Variants in SND1 observed in about 807,000 individuals in gnomAD.
The protein encoded by SND1 is staphylococcal nuclease domain-containing protein 1.
A neutral mutation model predicts 121.7 loss-of-function variants in SND1; 38 were observed. The observed-to-expected ratio is 0.31, with a 90% CI of 0.24 to 0.41. SND1 has a LOEUF of 0.41. Ranked by LOEUF, SND1 falls within the 10% of genes least tolerant of loss-of-function variation. SND1 has a pLI of 1.00. For missense variants in SND1, 868 were observed against 1,184.6 expected (o/e 0.73, Z 3.92); for synonymous variants, 401 against 447.4 (o/e 0.90, Z 1.31).
At chr7:127,950,288 C>T (rs926813320) in intron 15 of SND1, among the ~76,000 whole-genome samples, 1 of 152,060 alleles carries the variant, frequency 6.6e-6, no homozygotes. Flanking sequence ...GCTAAGAGAA[C>T]AGGTTCTGGA....
intron 9 of SND1, among the ~76,000 whole-genome samples, chr7:127,719,817 A>G (rs1432012974): frequency 1.3e-5 from 2 of 152,212 alleles, no homozygotes; most frequent in African/African-American, 4.8e-5. Flanking sequence ...TCCACCAGCC[A>G]TAGTAAACCT....
intron 12 of SND1, among the ~76,000 whole-genome samples, chr7:127,879,395 G>C (rs1165552466): frequency 6.6e-6 from 1 of 152,100 alleles, no homozygotes; most frequent in Admixed American, 6.6e-5. Flanking sequence ...TGTCTTTTGG[G>C]ATAGGTAGCC....
intron 12 of SND1, among the ~76,000 whole-genome samples, chr7:127,882,990 T>C (rs1187393683): frequency 3.3e-5 from 5 of 152,104 alleles, no homozygotes; most frequent in African/African-American, 1.2e-4. Context: ...AAAAAGAGAA[T>C]TAGTGCTAGG....
At chr7:127,926,466 AC>A (rs1380129234) in intron 14 of SND1, among the ~76,000 whole-genome samples, 1 of 151,380 alleles carries the variant, frequency 6.6e-6, no homozygotes, top group Non-Finnish European at 1.5e-5. Flanking sequence ...CCATGTTCTT[AC>A]CTTATAATTT....
chr7:127,940,937 C>T (rs1801184547), intron 15 of SND1, among the ~76,000 whole-genome samples: 1 of 152,262 alleles, frequency 6.6e-6, no homozygotes. Flanking sequence ...CCACTGACCA[C>T]AGAATGCACT....
chr7:127,739,017 G>A (rs1011295476), intron 10 of SND1, among the ~76,000 whole-genome samples: 1 of 152,186 alleles, frequency 6.6e-6, no homozygotes, highest in African/African-American at 2.4e-5. Context: ...ATTTTAATTT[G>A]TGCACAGGTG....
chr7:127,863,124 T>G (rs967232363), intron 12 of SND1, among the ~76,000 whole-genome samples: 1 of 152,138 alleles, frequency 6.6e-6, no homozygotes, highest in South Asian at 2.1e-4. Context: ...TAATGAAAAT[T>G]AATAACAACA....
intron 10 of SND1, among the ~76,000 whole-genome samples, chr7:127,747,051 C>T (rs940543365): frequency 9.2e-5 from 14 of 152,126 alleles, no homozygotes; most frequent in Admixed American, 4.6e-4. Flanking sequence ...GAATAAATGC[C>T]TTTGCATTCA....
At chr7:127,856,673 A>T (rs1315685593) in intron 12 of SND1, among the ~76,000 whole-genome samples, 1 of 152,168 alleles carries the variant, frequency 6.6e-6, no homozygotes, top group Non-Finnish European at 1.5e-5. Context: ...TTACATATAA[A>T]CTGGGATTCA....
intron 12 of SND1, among the ~76,000 whole-genome samples, chr7:127,882,848 AG>A (rs144065545): frequency 6.6e-6 from 1 of 152,242 alleles, no homozygotes; most frequent in African/African-American, 2.4e-5. Flanking sequence ...TGCTTTCTTG[AG>A]TGTATCAGTA....
At chr7:127,683,789 A>C (rs1262659660) in intron 1 of SND1, among the ~76,000 whole-genome samples, 4 of 152,208 alleles carry the variant, frequency 2.6e-5, no homozygotes. Context: ...CAGCTGCTTG[A>C]ATTCATATAT....
rs1288507381 is a variant in SND1 at position 127,904,792 on chromosome 7, T to C, written c.1500T>C (p.Pro500=). The change falls in exon 14 of 24, where the codon CCT becomes CCC. Residue 500 remains proline, a synonymous_variant. Transcript: ENST00000354725. ...GATTGCATAGCAAGAAGGAAGTGCCTATCCACCGTGTTGCAGATATATCTG... is the reference window on the plus strand; with the variant it reads ...GATTGCATAGCAAGAAGGAAGTGCCCATCCACCGTGTTGCAGATATATCTG... The part of the protein sequence containing the change: ...GKGLHSKKEV[P]IHRVADISGD... 4 of 1,611,368 alleles carry C rather than the reference T, an allele frequency of 2.5e-6. No individual in the cohort carries two copies. The highest frequency in any genetic ancestry group is 3.4e-6 in the Non-Finnish European group (4 of 1,177,576).
At chr7:127,707,480 A>C in intron 8 of SND1, 77 bp from the exon 9 acceptor site, 1 of 1,146,354 alleles carries the variant, frequency 8.7e-7, no homozygotes, top group Non-Finnish European at 1.3e-6. Context: ...AGGATGCTGC[A>C]CCAACTGTGC....
At chr7:127,815,340 T>G (rs2116592276) in intron 11 of SND1, among the ~76,000 whole-genome samples, 1 of 152,268 alleles carries the variant, frequency 6.6e-6, no homozygotes, top group Non-Finnish European at 1.5e-5. Context: ...GAAGACGATC[T>G]ATAGCCAGGC....
chr7:127,981,120 G>C (rs141226185), intron 15 of SND1, among the ~76,000 whole-genome samples: 153 of 152,342 alleles, frequency 1.0e-3, no homozygotes, highest in African/African-American at 3.4e-3. Flanking sequence ...CAGTGCCACT[G>C]TGTTACATAA....
chr7:127,788,127 G>A (rs745796664), intron 10 of SND1, among the ~76,000 whole-genome samples: 2 of 152,168 alleles, frequency 1.3e-5, no homozygotes, highest in Non-Finnish European at 2.9e-5. Context: ...AGGCCGATGG[G>A]CATTTAGAGT....
chr7:127,729,439 C>CT (rs10712716), intron 10 of SND1, among the ~76,000 whole-genome samples: 34 of 97,312 alleles, frequency 3.5e-4, no homozygotes, highest in African/African-American at 6.1e-4. Flanking sequence ...AGATAAATTA[C>CT]TTTTTTTTTT....
At chr7:127,991,169 A>G (rs1022595375) in intron 16 of SND1, 113 bp downstream of exon 16, 5 of 684,276 alleles carry the variant, frequency 7.3e-6, no homozygotes, top group Non-Finnish European at 1.3e-5. Context: ...AGCCTTGCAC[A>G]TCCATAATCC....
intron 15 of SND1, among the ~76,000 whole-genome samples, chr7:127,931,032 G>A (rs1382637205): frequency 6.6e-6 from 1 of 151,840 alleles, no homozygotes; most frequent in South Asian, 2.1e-4. Flanking sequence ...CAATTGTTTC[G>A]GGTCGCCATG....
Sources: allele counts gnomAD v4.1 joint callset (sites outside exome capture counted in the v4.1 genomes callset), GRCh38; gene constraint gnomAD v4.1.1; transcripts MANE v1.5; gene names NCBI Gene and HGNC (gene_info 2026-07-23, HGNC 2026-07-21).